LINGO2: variants seen among roughly 807,000 people sequenced by gnomAD.
LINGO2 encodes the protein leucine-rich repeat and immunoglobulin-like domain-containing nogo receptor-interacting protein 2.
A neutral mutation model predicts 30.6 loss-of-function variants in LINGO2; 14 were observed. That is an observed-to-expected ratio of 0.46 (90% confidence interval 0.30 to 0.72). LINGO2 has a LOEUF of 0.72. LINGO2 is among the 30% of genes least tolerant of loss of function. The pLI, the probability that LINGO2 is intolerant of heterozygous loss-of-function variation, is 0.07. For missense variants in LINGO2, 729 were observed against 751.7 expected (o/e 0.97, Z 0.35); for synonymous variants, 317 against 288.5 (o/e 1.10, Z -1.00).
At chr9:28,782,251 A>T in the LINGO2 span, among the ~76,000 whole-genome samples, 1 of 152,336 alleles carries the variant, frequency 6.6e-6, no homozygotes, top group African/African-American at 2.4e-5. Flanking sequence ...TAAATGAGAA[A>T]GCAGAAATTT....
At position 28,130,394 on chromosome 9, in the gene LINGO2, G is replaced by A. The variant is rs888413436; in HGVS notation, c.-86-117989C>T. ...TAAACATTCACAAGGACAGAGCTAT[G>A]TTGGGAGACAGTGCCAGACTGCTAA... On this transcript the variant is annotated intron_variant, in intron 4 of 5. Transcript: ENST00000379992. The surrounding 1 kb of genome is among the most constrained non-coding windows in gnomAD (Gnocchi z 5.2). 5.3e-5 allele frequency among the ~76,000 whole-genome samples: 8 copies of A among 152,328 alleles called. No homozygotes were observed. In the East Asian group the frequency reaches 1.4e-3, roughly 26 times the overall value.
chr9:28,515,357 C>T (rs911525863), intron 1 of LINGO2, among the ~76,000 whole-genome samples: 7 of 152,196 alleles, frequency 4.6e-5, no homozygotes, highest in African/African-American at 1.7e-4. Flanking sequence ...CAGGTGCCCA[C>T]CACCACGCCT....
At chr9:28,676,286 A>C in the LINGO2 span, among the ~76,000 whole-genome samples, 1 of 152,060 alleles carries the variant, frequency 6.6e-6, no homozygotes, top group Non-Finnish European at 1.5e-5. Context: ...GGAGCAATAG[A>C]GAGAAGACAG....
intron 5 of LINGO2, among the ~76,000 whole-genome samples, chr9:27,991,433 A>G (rs1821394312): frequency 6.6e-6 from 1 of 152,046 alleles, no homozygotes; most frequent in Admixed American, 6.6e-5. Context: ...TGTTCAGATG[A>G]TAAATCAAAA....
At chr9:28,066,673 C>T (rs1825323363) in intron 4 of LINGO2, among the ~76,000 whole-genome samples, 1 of 151,984 alleles carries the variant, frequency 6.6e-6, no homozygotes, top group African/African-American at 2.4e-5. Flanking sequence ...AGAAGAAATA[C>T]CTGCTGTTCT....
intron 1 of LINGO2, among the ~76,000 whole-genome samples, chr9:28,626,409 T>A (rs981968308): frequency 9.2e-5 from 14 of 152,090 alleles, no homozygotes; most frequent in African/African-American, 3.1e-4. Flanking sequence ...TTTAATAAAG[T>A]CCAATGTGTC....
chr9:28,055,874 T>G (rs1214007251), intron 4 of LINGO2, among the ~76,000 whole-genome samples: 1 of 152,138 alleles, frequency 6.6e-6, no homozygotes, highest in Non-Finnish European at 1.5e-5. Flanking sequence ...AAGGAGGCAT[T>G]TGGCAAAAGT....
the LINGO2 span, among the ~76,000 whole-genome samples, chr9:29,026,521 C>T: frequency 1.3e-5 from 2 of 151,844 alleles, no homozygotes; most frequent in Admixed American, 1.3e-4. Context: ...CTTAATTATA[C>T]TGAAAACATT....
chr9:28,224,941 T>C (rs1461583415), intron 4 of LINGO2, among the ~76,000 whole-genome samples: 1 of 152,006 alleles, frequency 6.6e-6, no homozygotes, highest in African/African-American at 2.4e-5. Context: ...TGGAACAGAA[T>C]AGAGAACCCA....
At chr9:28,119,557 T>C (rs1300031306) in intron 4 of LINGO2, among the ~76,000 whole-genome samples, 4 of 152,206 alleles carry the variant, frequency 2.6e-5, no homozygotes, top group African/African-American at 7.2e-5. Flanking sequence ...CTTTTAGCAG[T>C]GTGGCTGGCA....
intron 1 of LINGO2, among the ~76,000 whole-genome samples, chr9:28,586,819 G>C (rs529376320): frequency 6.6e-6 from 1 of 152,058 alleles, no homozygotes; most frequent in South Asian, 2.1e-4. Flanking sequence ...CCTAGTCCTA[G>C]ACCCCTTGCT....
At chr9:27,969,109 T>G (rs1328459672) in intron 5 of LINGO2, among the ~76,000 whole-genome samples, 1 of 143,880 alleles carries the variant, frequency 7.0e-6, no homozygotes. Flanking sequence ...AAACAGATTT[T>G]CATGATTCAA....
intron 1 of LINGO2, among the ~76,000 whole-genome samples, chr9:28,591,575 G>A (rs1467372318): frequency 6.6e-6 from 1 of 151,944 alleles, no homozygotes; most frequent in Non-Finnish European, 1.5e-5. Flanking sequence ...AAAGTGTTAG[G>A]CACCTTTTAT....
chr9:28,513,031 C>G (rs1485666290), intron 1 of LINGO2, among the ~76,000 whole-genome samples: 1 of 150,838 alleles, frequency 6.6e-6, no homozygotes, highest in African/African-American at 2.4e-5. Context: ...CACCCAAGAT[C>G]AATACTTTGT....
At chr9:28,835,015 A>G in the LINGO2 span, among the ~76,000 whole-genome samples, 1 of 152,288 alleles carries the variant, frequency 6.6e-6, no homozygotes, top group Admixed American at 6.5e-5. Context: ...GGCATAGCCA[A>G]ACAGGTAGAA....
At chr9:28,249,097 T>A (rs1822105035) in intron 4 of LINGO2, among the ~76,000 whole-genome samples, 1 of 152,012 alleles carries the variant, frequency 6.6e-6, no homozygotes, top group African/African-American at 2.4e-5. Flanking sequence ...TGTGGGGAAA[T>A]GTGGTTTCTT....
intron 1 of LINGO2, among the ~76,000 whole-genome samples, chr9:28,656,577 C>T (rs544576463): frequency 6.6e-6 from 1 of 152,110 alleles, no homozygotes; most frequent in South Asian, 2.1e-4. Context: ...CTGGCTTGCA[C>T]TCTTCAAAAA....
intron 1 of LINGO2, among the ~76,000 whole-genome samples, chr9:28,641,194 C>T (rs1013438727): frequency 5.3e-5 from 8 of 151,958 alleles, no homozygotes; most frequent in African/African-American, 1.7e-4. Flanking sequence ...CCACCACGCT[C>T]GGCTAATTTT....
chr9:28,780,872 G>A, the LINGO2 span, among the ~76,000 whole-genome samples: 9 of 146,242 alleles, frequency 6.2e-5, no homozygotes, highest in Admixed American at 4.8e-4. Flanking sequence ...GTGTGTGTGT[G>A]TATTATATTG....
Sources: gnomAD v4.1 joint callset for allele counts (sites outside exome capture counted in the v4.1 genomes callset) on GRCh38, gnomAD v4.1.1 for gene constraint, Gnocchi (gnomAD v3.1) non-coding constraint, MANE v1.5 for transcripts, NCBI Gene and HGNC (gene_info 2026-07-23, HGNC 2026-07-21) for gene names.